The following NOS1AP variants were observed in gnomAD, a reference collection of about 807,000 sequenced individuals.
NOS1AP encodes nitric oxide synthase 1 adaptor protein, also known as carboxyl-terminal PDZ ligand of neuronal nitric oxide synthase protein.
In NOS1AP, 21 loss-of-function variants were observed where a neutral mutation model predicts 56.2. The observed-to-expected ratio is 0.37, with a 90% confidence interval of 0.26 to 0.54. The LOEUF (loss-of-function observed/expected upper bound fraction) is 0.54. Ranked by LOEUF, NOS1AP falls within the 20% of genes least tolerant of loss-of-function variation. The pLI, the probability that NOS1AP is intolerant of heterozygous loss-of-function variation, is 0.84. For synonymous variants in NOS1AP, 270 were observed against 274.6 expected, an observed-to-expected ratio of 0.98 and a Z score of 0.17; for missense variants, 522 against 657.8, an observed-to-expected ratio of 0.79 and a Z score of 2.26.
chr1:162,087,533 C>T (rs1692029906), intron 1 of NOS1AP, among the ~76,000 whole-genome samples: 2 of 152,132 alleles, frequency 1.3e-5, no homozygotes, highest in African/African-American at 4.8e-5. Context: ...TGGACTTGAA[C>T]TAGTCAACTT....
At chr1:162,220,220 A>T (rs1252720848) in intron 2 of NOS1AP, among the ~76,000 whole-genome samples, 1 of 152,194 alleles carries the variant, frequency 6.6e-6, no homozygotes. Context: ...TGCTCAGCCT[A>T]ACTTCTTTAC....
intron 1 of NOS1AP, among the ~76,000 whole-genome samples, chr1:162,117,741 C>G (rs1036942693): frequency 6.6e-6 from 1 of 152,206 alleles, no homozygotes; most frequent in Admixed American, 6.5e-5. Flanking sequence ...TGCTAAGATC[C>G]CAACTGGAAC....
intron 2 of NOS1AP, among the ~76,000 whole-genome samples, chr1:162,260,849 C>T (rs1032142340): frequency 1.3e-5 from 2 of 152,004 alleles, no homozygotes; most frequent in African/African-American, 4.8e-5. Flanking sequence ...AAGTTCATCT[C>T]AATTTTTTTG....
intron 2 of NOS1AP, among the ~76,000 whole-genome samples, chr1:162,260,878 G>A (rs1374125597): frequency 6.6e-6 from 1 of 152,064 alleles, no homozygotes; most frequent in Non-Finnish European, 1.5e-5. Flanking sequence ...GTTAAAACAC[G>A]AGGTGTGGTT....
intron 1 of NOS1AP, among the ~76,000 whole-genome samples, chr1:162,075,000 CA>C (rs1691738379): frequency 1.3e-5 from 2 of 152,152 alleles, no homozygotes; most frequent in Non-Finnish European, 2.9e-5. Context: ...TTGGTCAAAA[CA>C]GGCTATTAGG....
intron 2 of NOS1AP, among the ~76,000 whole-genome samples, chr1:162,230,392 A>G (rs1455576606): frequency 3.3e-5 from 5 of 152,206 alleles, no homozygotes; most frequent in African/African-American, 1.2e-4. Flanking sequence ...CCAGCTGGCA[A>G]TGGGGAAATG....
At chr1:162,360,798 G>A in intron 8 of NOS1AP, 1 of 456,544 alleles carries the variant, frequency 2.2e-6, no homozygotes, top group Non-Finnish European at 4.4e-6. Context: ...GCCTGCCTCT[G>A]CTTCTGTGTC....
intron 5 of NOS1AP, among the ~76,000 whole-genome samples, chr1:162,334,279 G>A (rs1656868627): frequency 6.6e-6 from 1 of 152,088 alleles, no homozygotes; most frequent in Non-Finnish European, 1.5e-5. Flanking sequence ...TCATGGAGTT[G>A]GATGAAAAGT....
chr1:162,222,325 C>G (rs78360254), intron 2 of NOS1AP, among the ~76,000 whole-genome samples: 3 of 152,158 alleles, frequency 2.0e-5, no homozygotes, highest in Admixed American at 6.5e-5. Context: ...TCTAACACGG[C>G]TAGTATCATA....
chr1:162,125,202 C>T (rs555186209), intron 1 of NOS1AP, among the ~76,000 whole-genome samples: 28 of 148,570 alleles, frequency 1.9e-4, no homozygotes, highest in Non-Finnish European at 3.5e-4. Context: ...GGCACAAGCT[C>T]GGCTCACTGC....
At chr1:162,089,605 A>G (rs951100229) in intron 1 of NOS1AP, among the ~76,000 whole-genome samples, 2 of 152,182 alleles carry the variant, frequency 1.3e-5, no homozygotes, top group African/African-American at 4.8e-5. Context: ...TAGGATCTTG[A>G]GATGGTGAGA....
At chr1:162,297,298 T>C (rs1031711980) in intron 3 of NOS1AP, among the ~76,000 whole-genome samples, 3 of 152,180 alleles carry the variant, frequency 2.0e-5, no homozygotes, top group African/African-American at 7.2e-5. Context: ...ACTGTCCTGA[T>C]GGTAAGAGCA....
intron 2 of NOS1AP, among the ~76,000 whole-genome samples, chr1:162,286,793 G>T (rs1655101619): frequency 6.6e-6 from 1 of 152,176 alleles, no homozygotes; most frequent in Admixed American, 6.5e-5. Context: ...TTTTCTAGAT[G>T]TGCCAAAATC....
chr1:162,224,908 G>A (rs947202195), intron 2 of NOS1AP, among the ~76,000 whole-genome samples: 13 of 152,178 alleles, frequency 8.5e-5, no homozygotes, highest in Non-Finnish European at 1.8e-4. Flanking sequence ...GAGCAACTCA[G>A]CCAGTAAAAG....
At chr1:162,242,441 A>T (rs748052346) in intron 2 of NOS1AP, among the ~76,000 whole-genome samples, 1 of 152,228 alleles carries the variant, frequency 6.6e-6, no homozygotes, top group Non-Finnish European at 1.5e-5. Flanking sequence ...TGACATAGCC[A>T]TGCTGGAGAG....
chr1:162,083,240 T>G (rs1691930327), intron 1 of NOS1AP, among the ~76,000 whole-genome samples: 2 of 152,200 alleles, frequency 1.3e-5, no homozygotes, highest in Admixed American at 1.3e-4. Flanking sequence ...TGCTTTTTCT[T>G]TTGGTTTCTT....
At chr1:162,293,351 T>C (rs1655338441) in intron 3 of NOS1AP, among the ~76,000 whole-genome samples, 1 of 152,208 alleles carries the variant, frequency 6.6e-6, no homozygotes, top group Non-Finnish European at 1.5e-5. Flanking sequence ...TGAATGTCAG[T>C]ACAAATTTCT....
At chr1:162,073,058 G>C (rs915441682) in intron 1 of NOS1AP, among the ~76,000 whole-genome samples, 2 of 152,212 alleles carry the variant, frequency 1.3e-5, no homozygotes, top group East Asian at 3.8e-4. Flanking sequence ...AAGGTGTGGG[G>C]TTAGGATCGA....
chr1:162,265,269 G>GCACA (rs1654384246), intron 2 of NOS1AP, among the ~76,000 whole-genome samples: 1 of 148,440 alleles, frequency 6.7e-6, no homozygotes, highest in East Asian at 2.1e-4. Context: ...GGGTACATGT[G>GCACA]CACAATGTGC....
Sources: gnomAD v4.1 joint callset for allele counts (sites outside exome capture counted in the v4.1 genomes callset) on GRCh38, gnomAD v4.1.1 for gene constraint, MANE v1.5 for transcripts, NCBI Gene and HGNC (gene_info 2026-07-23, HGNC 2026-07-21) for gene names.